BARD1: variants seen among roughly 807,000 people sequenced by gnomAD.
BARD1 encodes the protein BRCA1-associated RING domain protein 1.
BARD1 carries 73 observed loss-of-function variants against 77.0 expected under a neutral mutation model. The ratio of observed to expected loss-of-function variants is 0.95; its 90% CI spans 0.79 to 1.15. The LOEUF is 1.15. Ranked by LOEUF, BARD1 falls within the 50% of genes most tolerant of loss-of-function variation. The probability of loss-of-function intolerance (pLI) is 0.00; values close to 1 mark genes in which losing one functional copy is unlikely to be tolerated. For synonymous variants in BARD1, 384 were observed against 338.0 expected, an observed-to-expected ratio of 1.14 and a Z score of -1.49; for missense variants, 993 against 938.8, an observed-to-expected ratio of 1.06 and a Z score of -0.75.
intron 2 of BARD1, among the ~76,000 whole-genome samples, chr2:214,796,188 T>C (rs1695746661): frequency 6.6e-6 from 1 of 152,204 alleles, no homozygotes; most frequent in African/African-American, 2.4e-5. Flanking sequence ...TGATTTCTCC[T>C]GAACAAGAAA....
At chr2:214,772,604 T>A (rs1694556653) in intron 4 of BARD1, among the ~76,000 whole-genome samples, 1 of 152,204 alleles carries the variant, frequency 6.6e-6, no homozygotes, top group Non-Finnish European at 1.5e-5. Flanking sequence ...TATTTTTCTT[T>A]CATGTCACCT....
intron 6 of BARD1, among the ~76,000 whole-genome samples, chr2:214,756,156 C>A (rs1693685466): frequency 1.3e-5 from 2 of 152,076 alleles, no homozygotes; most frequent in African/African-American, 4.8e-5. Flanking sequence ...TGGGAAGTGA[C>A]TGGATCATGG....
At position 214,780,621 on chromosome 2, in the gene BARD1, G is replaced by A. The variant is rs1311988754; in HGVS notation, c.1253C>T (p.Pro418Leu). The change falls in exon 4 of 11, where the codon CCC (proline) becomes CTC (leucine). Residue 418 changes from proline (P) to leucine (L), a missense_variant. Physicochemically the swap from Pro to Leu is moderately conservative, Grantham distance 98. Coordinates refer to ENST00000260947, the MANE Select transcript of BARD1 (RefSeq NM_000465.4). ...ATGATTTCTTTTCACAGCCATATTG[G>A]GCAACAGCTTCATTGCTGAGGGACT... ...MSSPSAMKLL[P>L]NMAVKRNHRG... The A allele has an allele frequency of 6.2e-7, 1 of 1,614,046 alleles. No individual in the cohort carries two copies.
At chr2:214,745,654 T>C (rs1453664491) in intron 8 of BARD1, 68 bp downstream of exon 8, 6 of 1,551,580 alleles carry the variant, frequency 3.9e-6, no homozygotes, top group East Asian at 2.2e-5. Context: ...TTATCAAAGG[T>C]AGTTCTCCAA....
chr2:214,795,423 G>C (rs1216178664), intron 2 of BARD1, among the ~76,000 whole-genome samples: 3 of 152,106 alleles, frequency 2.0e-5, no homozygotes, highest in African/African-American at 7.2e-5. Context: ...ACAGGGTTTT[G>C]CAGACCAGAG....
chr2:214,780,806 A>T lies in BARD1; in HGVS notation c.1068T>A (p.Asn356Lys), dbSNP rs1423687196. The T allele has an allele frequency of 1.9e-6, 3 of 1,613,906 alleles. No homozygotes were observed. The highest frequency in any genetic ancestry group is 3.3e-5 in the Admixed American group (2 of 59,984). Residue 356 changes from asparagine (N) to lysine (K), a missense_variant, in exon 4 of 11, where the codon AAT becomes AAA. Asn to Lys is a moderately conservative substitution (Grantham distance 94, BLOSUM62 0). Coordinates refer to ENST00000260947, the MANE Select transcript of BARD1 (RefSeq NM_000465.4). ...GTGAAGAACATTCAGGCAATGGTAT[A>T]TTTTCTGAGGGCACCGTTTGCTTAA... The part of the protein sequence containing the change: ...DFVKQTVPSE[N>K]IPLPECSSPP...
chr2:214,742,133 T>C (rs571109083), intron 9 of BARD1, among the ~76,000 whole-genome samples: 205 of 152,318 alleles, frequency 1.3e-3, no homozygotes, highest in African/African-American at 4.7e-3. Flanking sequence ...TTTTAAAAAG[T>C]CATAAATCTT....
At chr2:214,773,295 AT>A (rs1323094124) in intron 4 of BARD1, among the ~76,000 whole-genome samples, 1 of 152,238 alleles carries the variant, frequency 6.6e-6, no homozygotes. Flanking sequence ...TATAAGACAA[AT>A]GACTTGCCTA....
intron 2 of BARD1, among the ~76,000 whole-genome samples, chr2:214,792,762 G>A (rs960842062): frequency 6.6e-6 from 1 of 152,090 alleles, no homozygotes; most frequent in Admixed American, 6.6e-5. Context: ...CATAGTAGTC[G>A]TGCATCCTAA....
rs2105986191 is a variant in BARD1, at chr2:214,728,709, C to T, written c.2301G>A (p.Val767=). The T allele has an allele frequency of 1.2e-6, 2 of 1,614,086 alleles. No homozygotes were observed. The highest frequency in any genetic ancestry group is 2.2e-5 in the East Asian group (1 of 44,878). The part of the protein sequence containing the change: ...KAPSSWFIDC[V]MSFELLPLDS The stretch of plus-strand genomic sequence containing the variant: ...CAAGAGGAAGCAACTCAAAGGACAT[C>T]ACACAGTCTATAAACCAGCTCGAAG... Residue 767 remains valine (V), a synonymous_variant, in exon 11 of 11, where the codon GTG becomes GTA. Coordinates refer to ENST00000260947, the MANE Select transcript of BARD1 (RefSeq NM_000465.4).
chr2:214,746,767 G>T (rs1693138454), intron 7 of BARD1, among the ~76,000 whole-genome samples: 1 of 151,976 alleles, frequency 6.6e-6, no homozygotes, highest in Non-Finnish European at 1.5e-5. Flanking sequence ...AGAAAACGTA[G>T]GCAATACCAT....
chr2:214,809,240 T>C (rs1468914390), intron 1 of BARD1, among the ~76,000 whole-genome samples, 172 bp downstream of exon 1: 5 of 152,224 alleles, frequency 3.3e-5, no homozygotes, highest in East Asian at 3.9e-4. Context: ...ATAAAGTGAA[T>C]GAGAAGCAGA....
intron 6 of BARD1, among the ~76,000 whole-genome samples, chr2:214,755,764 A>G (rs2106046631): frequency 6.6e-6 from 1 of 152,336 alleles, no homozygotes; most frequent in South Asian, 2.1e-4. Flanking sequence ...CCAATGAAAA[A>G]ATCAGATATA....
At chr2:214,752,637 A>G (rs1693513985) in intron 6 of BARD1, 82 bp from the exon 7 acceptor site, 1 of 988,132 alleles carries the variant, frequency 1.0e-6, no homozygotes, top group Non-Finnish European at 1.6e-6. Context: ...ATAATATACA[A>G]TTTTAACTAA....
intron 6 of BARD1, among the ~76,000 whole-genome samples, chr2:214,761,402 A>T (rs149161769): frequency 1.3e-3 from 198 of 152,326 alleles, no homozygotes; most frequent in Non-Finnish European, 2.2e-3. Context: ...CTAACTTATA[A>T]TCATAAATGC....
At chr2:214,788,117 G>C (rs1472871284) in intron 3 of BARD1, among the ~76,000 whole-genome samples, 2 of 151,826 alleles carry the variant, frequency 1.3e-5, no homozygotes, top group African/African-American at 4.8e-5. Flanking sequence ...GTTACAGAAA[G>C]ACGAGCATCT....
At chr2:214,749,185 A>G (rs78933400) in intron 7 of BARD1, among the ~76,000 whole-genome samples, 7 of 38,150 alleles carry the variant, frequency 1.8e-4, no homozygotes, top group African/African-American at 1.2e-4. Context: ...AGTTCCTGGA[A>G]AAAAAAAAAA....
At chr2:214,755,548 A>G (rs116817019) in intron 6 of BARD1, among the ~76,000 whole-genome samples, 2,156 of 152,288 alleles carry the variant, frequency 0.014, 11 homozygotes, top group Middle Eastern at 0.027. Context: ...AAACCCAAAC[A>G]AGTAATGAGG....
chr2:214,730,334 G>A, intron 10 of BARD1, 77 bp downstream of exon 10: 1 of 1,285,132 alleles, frequency 7.8e-7, no homozygotes. Flanking sequence ...TGTTGAAAGG[G>A]CAGAAGTTCT....
Sources: gnomAD v4.1 joint callset for allele counts (sites outside exome capture counted in the v4.1 genomes callset) on GRCh38, gnomAD v4.1.1 for gene constraint, MANE v1.5 for transcripts, NCBI Gene and HGNC (gene_info 2026-07-23, HGNC 2026-07-21) for gene names.